FAP: variants seen among roughly 807,000 people sequenced by gnomAD.
FAP encodes prolyl endopeptidase FAP.
FAP carries 110 observed loss-of-function variants against 126.5 expected under a neutral mutation model. The observed-to-expected ratio is 0.87, with a 90% CI of 0.74 to 1.02. FAP has a LOEUF of 1.02. FAP is among the 50% of genes least tolerant of loss of function. FAP has a pLI of 0.00. For synonymous variants in FAP, 334 were observed against 297.3 expected (o/e 1.12, Z -1.27); for missense variants, 919 against 909.2 (o/e 1.01, Z -0.14).
intron 12 of FAP, 163 bp downstream of exon 12, chr2:162,209,789 G>T (rs144140014): frequency 3.5e-6 from 2 of 576,644 alleles, no homozygotes; most frequent in South Asian, 4.8e-5. Flanking sequence ...GAAATTGTCC[G>T]GCACAAAATC....
chr2:162,234,451 G>A (rs1363974012), intron 2 of FAP, among the ~76,000 whole-genome samples: 2 of 151,946 alleles, frequency 1.3e-5, no homozygotes, highest in African/African-American at 2.4e-5. Context: ...CTACTGAACT[G>A]TATTGTTAGT....
chr2:162,203,204 T>G (rs1205231250), intron 12 of FAP, 59 bp from the exon 13 acceptor site: 1 of 1,184,616 alleles, frequency 8.4e-7, no homozygotes, highest in Non-Finnish European at 1.2e-6. Context: ...ACCATAGATT[T>G]TGTTTTAATA....
chr2:162,224,131 CTTT>C (rs1476196036), intron 5 of FAP, among the ~76,000 whole-genome samples: 1 of 152,052 alleles, frequency 6.6e-6, no homozygotes, highest in East Asian at 1.9e-4. Context: ...GCTTGCCTTT[CTTT>C]GAGTACAGTT....
chr2:162,229,593 CAT>C (rs956175770), intron 2 of FAP, among the ~76,000 whole-genome samples: 8 of 152,132 alleles, frequency 5.3e-5, no homozygotes, highest in Admixed American at 4.6e-4. Context: ...ATAAATAAAA[CAT>C]AAAAAACAAC....
In FAP at chr2:162,170,916, A is replaced by G. The variant is rs1042135; in HGVS notation, c.*63T>C. 6.8e-4 allele frequency: 813 copies of G among 1,195,258 alleles called. 5 individuals carry two copies. In the African/African-American group the frequency reaches 0.011, roughly 17 times the overall value. 74.0% of individuals were successfully genotyped at this position (1,195,258 alleles called of 1,614,324 possible). ...TACAACATAAAAAATAAAATAAGCA[A>G]ACTGTCTGAGGGGTTTATATAAGGT... On this transcript the variant is annotated 3_prime_UTR_variant, in exon 26 of 26. Coordinates refer to ENST00000188790, the MANE Select transcript of FAP (RefSeq NM_004460.5).
At chr2:162,210,034 A>G (rs1688862084) in intron 11 of FAP, 38 bp from the exon 12 acceptor site, 1 of 1,587,790 alleles carries the variant, frequency 6.3e-7, no homozygotes, top group African/African-American at 1.3e-5. Flanking sequence ...TAGTATTAGG[A>G]GAACATTTTT....
At chr2:162,198,616 T>G (rs1035953257) in intron 16 of FAP, 141 bp downstream of exon 16, 26 of 1,115,796 alleles carry the variant, frequency 2.3e-5, no homozygotes, top group Non-Finnish European at 3.1e-5. Flanking sequence ...CTCCTTTAAT[T>G]TTTTTTCTAT....
In FAP at chr2:162,183,396, A is replaced by T. The variant is rs761585997; in HGVS notation, c.1869+18T>A. 7 of 1,584,714 alleles carry T rather than the reference A, an allele frequency of 4.4e-6. No homozygotes were observed. In the East Asian group the frequency reaches 1.3e-4, roughly 30 times the overall value. On this transcript the variant is annotated intron_variant, in intron 21 of 25. Coordinates refer to ENST00000188790, the MANE Select transcript of FAP (RefSeq NM_004460.5). ...TGCTGAACTGAATAACAGGCATAAA[A>T]AATATAAAACAACTCACCCAGCCCC...
In FAP at chr2:162,210,009, A is replaced by G; in HGVS notation, c.1003-13T>C. ...TATGCTCCTGGGTCTAAAAGACAAA[A>G]GATCACATCGAACATAGTATTAGGA... On this transcript the variant is annotated splice_polypyrimidine_tract_variant and intron_variant, in intron 11 of 25. Coordinates refer to ENST00000188790, the MANE Select transcript of FAP (RefSeq NM_004460.5). 1.9e-6 allele frequency: 3 copies of G among 1,611,226 alleles called. No homozygotes were observed. The highest frequency in any genetic ancestry group is 1.7e-6 in the Non-Finnish European group (2 of 1,178,296).
intron 2 of FAP, among the ~76,000 whole-genome samples, chr2:162,235,769 G>C (rs568679738): frequency 1.3e-5 from 2 of 152,198 alleles, no homozygotes; most frequent in South Asian, 2.1e-4. Flanking sequence ...TTGTTCTTTC[G>C]CTCTTTGCAA....
chr2:162,191,495 T>C (rs1688038860), intron 17 of FAP, among the ~76,000 whole-genome samples: 1 of 151,994 alleles, frequency 6.6e-6, no homozygotes, highest in Non-Finnish European at 1.5e-5. Context: ...GACCACACAT[T>C]TTACTTTCTT....
At chr2:162,241,729 T>G (rs1034058421) in intron 2 of FAP, among the ~76,000 whole-genome samples, 4 of 152,182 alleles carry the variant, frequency 2.6e-5, no homozygotes, top group African/African-American at 9.6e-5. Flanking sequence ...GAAAACAATT[T>G]TAACATGAAA....
In FAP at chr2:162,173,744, A is replaced by G. The variant is rs767168721; in HGVS notation, c.2013T>C (p.Asp671=). 32 of 1,604,194 alleles carry G rather than the reference A, an allele frequency of 2.0e-5. No individual in the cohort carries two copies. Among genetic ancestry groups the G allele is most frequent in the Non-Finnish European group, 2.6e-5 (31 of 1,171,298 alleles). Residue 671 remains aspartate (D), a synonymous_variant, in exon 23 of 26, where the codon GAT becomes GAC. Transcript: ENST00000188790. ...TTACCTTATAGTGCTCAAGATTATC[A>G]TCCTTTGTTGGGAGACCCATGAATC... ...TERFMGLPTK[D]DNLEHYKNST... is the part of the protein sequence containing the mutation.
intron 11 of FAP, among the ~76,000 whole-genome samples, chr2:162,211,127 AC>A (rs1351783467): frequency 6.6e-6 from 1 of 152,138 alleles, no homozygotes; most frequent in African/African-American, 2.4e-5. Flanking sequence ...AACTCATGCT[AC>A]TTTTAGGCCT....
intron 20 of FAP, among the ~76,000 whole-genome samples, chr2:162,184,340 A>G (rs914010871): frequency 6.6e-6 from 1 of 152,218 alleles, no homozygotes; most frequent in African/African-American, 2.4e-5. Context: ...GGAGACACAC[A>G]GTCCCAGAAA....
chr2:162,193,318 G>C (rs921285916), intron 17 of FAP, among the ~76,000 whole-genome samples: 1 of 152,152 alleles, frequency 6.6e-6, no homozygotes, highest in Non-Finnish European at 1.5e-5. Context: ...TTTCACATTA[G>C]GTAAGTTGTG....
intron 2 of FAP, among the ~76,000 whole-genome samples, chr2:162,228,073 G>A (rs1432319474): frequency 1.3e-5 from 2 of 152,152 alleles, no homozygotes; most frequent in Non-Finnish European, 2.9e-5. Flanking sequence ...CAGGAATCAT[G>A]TCTTGTTTTT....
At chr2:162,214,460 G>A (rs1222216992) in intron 10 of FAP, among the ~76,000 whole-genome samples, 4 of 151,988 alleles carry the variant, frequency 2.6e-5, no homozygotes, top group Non-Finnish European at 5.9e-5. Flanking sequence ...AGAGAGACAA[G>A]TGTGATAAAA....
At chr2:162,220,412 G>C (rs756399384) in intron 6 of FAP, among the ~76,000 whole-genome samples, 3 of 152,190 alleles carry the variant, frequency 2.0e-5, no homozygotes, top group Non-Finnish European at 4.4e-5. Context: ...TTCCAGCTCT[G>C]AAATTCTATA....
Sources: allele counts gnomAD v4.1 joint callset (sites outside exome capture counted in the v4.1 genomes callset), GRCh38; gene constraint gnomAD v4.1.1; transcripts MANE v1.5; gene names NCBI Gene and HGNC (gene_info 2026-07-23, HGNC 2026-07-21).